DNAH9: variants seen among roughly 807,000 people sequenced by gnomAD.
DNAH9 encodes DNAH9 variant protein.
DNAH9 carries 345 observed loss-of-function variants against 471.6 expected under a neutral mutation model. The observed-to-expected ratio is 0.73, with a 90% CI of 0.67 to 0.80. DNAH9 has a LOEUF of 0.80. Among genes scored for constraint, DNAH9 ranks in the 30% least tolerant of loss-of-function variants. The pLI is 0.00. For missense variants in DNAH9, 5,407 were observed against 5,609.2 expected (o/e 0.96, Z 1.15); for synonymous variants, 2,093 against 2,123.6 (o/e 0.99, Z 0.40).
In DNAH9 at chr17:11,694,749, T is replaced by TTCC. The variant is rs2074419253; in HGVS notation, c.4872+303_4872+304insCCT. On this transcript the variant is annotated intron_variant, in intron 22 of 68. Coordinates refer to ENST00000262442, the MANE Select transcript of DNAH9 (RefSeq NM_001372.4). ...CTCTTTCTCTTTCTTTCTTTCTTTC[T>TTCC]TTCCTTCCTTCCTTCCTTCCTTCCT... Among the ~76,000 whole-genome samples the TTCC allele has an allele frequency of 5.5e-4, 2 of 3,650 alleles. 1 individual carries two copies. The highest frequency in any genetic ancestry group is 9.0e-4 in the African/African-American group (2 of 2,210). 2.4% of individuals were successfully genotyped at this position (3,650 alleles called of 152,430 possible). A position where few individuals can be genotyped will look rare whatever the true frequency, so the allele number is the denominator to read the frequency against.
rs776973234 is a variant in DNAH9, at chr17:11,694,451, A to G, written c.4872+4A>G. Reference sequence around the variant, plus strand: ...CAACGGCACAGCTCCACAACAGGTAAGCTGGAGGAGCATCTGCAGAAAGGT... The same window carrying G: ...CAACGGCACAGCTCCACAACAGGTAGGCTGGAGGAGCATCTGCAGAAAGGT... On this transcript the variant is annotated splice_donor_region_variant and intron_variant, in intron 22 of 68. Transcript: ENST00000262442. 6.2e-7 allele frequency: 1 copy of G among 1,613,138 alleles called. No homozygotes were observed. The highest frequency in any genetic ancestry group is 1.7e-5 in the Admixed American group (1 of 59,872).
rs777596250 is a variant in DNAH9, at chr17:11,727,936, G to A, written c.5814+14G>A. On this transcript the variant is annotated intron_variant, in intron 28 of 68. Transcript: ENST00000262442. ...GTGGCAGTGCAGGTAAGGGCCAGAA[G>A]TTGGTGGGAGCCTTGTGGTCTTCAT... 1 of 1,554,026 alleles carries A rather than the reference G, an allele frequency of 6.4e-7. No individual in the cohort carries two copies. Among genetic ancestry groups the A allele is most frequent in the Non-Finnish European group, 8.9e-7 (1 of 1,125,334 alleles).
chr17:11,855,585 A>G (rs1056962309), intron 50 of DNAH9, among the ~76,000 whole-genome samples: 2 of 152,220 alleles, frequency 1.3e-5, no homozygotes, highest in Non-Finnish European at 2.9e-5. Context: ...ATCTATAATC[A>G]GAGAAATAAA....
At chr17:11,899,457 T>G (rs1597803218) in intron 59 of DNAH9, among the ~76,000 whole-genome samples, 1 of 152,222 alleles carries the variant, frequency 6.6e-6, no homozygotes, top group Non-Finnish European at 1.5e-5. Context: ...TTTAGCTCGG[T>G]TGTATTTTGC....
At position 11,969,304 on chromosome 17, in the gene DNAH9, G is replaced by T; in HGVS notation, c.13238G>T (p.Gly4413Val). The T allele has an allele frequency of 6.2e-7, 1 of 1,613,714 alleles. No individual in the cohort carries two copies. The highest frequency in any genetic ancestry group is 8.5e-7 in the Non-Finnish European group (1 of 1,179,868). The part of the protein sequence containing the change: ...MEGACWDTQA[G>V]IITEAKLKDL... ...CTTCTCATGTTTTATCCTCAGGCTG[G>T]GATCATTACAGAGGCAAAGCTGAAG... The change falls in exon 69 of 69, where the codon GGG (glycine) becomes GTG (valine). Residue 4413 changes from glycine (G) to valine (V), a missense_variant. By Grantham distance (109) the Gly-to-Val change is moderately radical. Transcript: ENST00000262442.
At chr17:11,838,718 G>A (rs1177610775) in intron 49 of DNAH9, among the ~76,000 whole-genome samples, 2 of 152,080 alleles carry the variant, frequency 1.3e-5, no homozygotes, top group African/African-American at 2.4e-5. Context: ...GCTGTAGACC[G>A]GTTCACAATC....
intron 14 of DNAH9, among the ~76,000 whole-genome samples, chr17:11,662,264 A>G (rs1261941989): frequency 6.6e-6 from 1 of 152,096 alleles, no homozygotes; most frequent in Non-Finnish European, 1.5e-5. Flanking sequence ...TTTTCAGCAC[A>G]GTGATAATAT....
chr17:11,769,946 A>G (rs1968133592), intron 38 of DNAH9, among the ~76,000 whole-genome samples: 1 of 152,206 alleles, frequency 6.6e-6, no homozygotes, highest in Admixed American at 6.5e-5. Flanking sequence ...GAAACAACAC[A>G]TTAACTAAAA....
chr17:11,698,155 T>A (rs9913903), intron 22 of DNAH9, among the ~76,000 whole-genome samples: 100,004 of 123,612 alleles, frequency 0.81, 39,845 homozygotes, highest in East Asian at 0.89. Context: ...TATTATATTA[T>A]TAATATATTA....
chr17:11,967,939 T>A lies in DNAH9; in HGVS notation c.13234-1361T>A, dbSNP rs537868441. Among the ~76,000 whole-genome samples the A allele has an allele frequency of 2.6e-5, 4 of 152,270 alleles. No homozygotes were observed. The South Asian group carries it at 8.3e-4, about 32-fold the overall frequency. The stretch of plus-strand genomic sequence containing the variant: ...CATCAAGAAGATACAATTGTAAATA[T>A]GTATGCACCTAACAAAAGAGCCCCC... On this transcript the variant is annotated intron_variant, in intron 68 of 68. Coordinates refer to ENST00000262442, the MANE Select transcript of DNAH9 (RefSeq NM_001372.4).
intron 35 of DNAH9, among the ~76,000 whole-genome samples, chr17:11,762,770 G>GTTTTGTTTTTTTTTTTTTTTTTTTTTTT (rs1967747335): frequency 1.1e-5 from 1 of 90,794 alleles, no homozygotes; most frequent in Non-Finnish European, 2.2e-5. Context: ...TTTTTTTTTT[G>GTTTTGTTTTTTTTTTTTTTTTTTTTTTT]TTTTTTTTTT....
rs1027447366 is a variant in DNAH9 at position 11,767,254 on chromosome 17, G to A, written c.7171-1199G>A. ...CATAGAAACCTAAAATCTGGTTTTCGTAGAAAGTTGAAGGTCTTGAAGCGT... is the reference window on the plus strand; with the variant it reads ...CATAGAAACCTAAAATCTGGTTTTCATAGAAAGTTGAAGGTCTTGAAGCGT... On this transcript the variant is annotated intron_variant, in intron 36 of 68. Transcript: ENST00000262442. 5.9e-5 allele frequency among the ~76,000 whole-genome samples: 9 copies of A among 152,130 alleles called. No homozygotes were observed. The South Asian group carries it at 6.2e-4, about 11-fold the overall frequency.
At chr17:11,787,829 C>T (rs1330418083) in intron 41 of DNAH9, among the ~76,000 whole-genome samples, 1 of 152,160 alleles carries the variant, frequency 6.6e-6, no homozygotes, top group African/African-American at 2.4e-5. Flanking sequence ...GGGGTTTCCG[C>T]TTTTGCATCT....
Position 11,652,944 on chromosome 17 carries a change from T to C in DNAH9, c.2537T>C (p.Met846Thr). 6.2e-7 allele frequency: 1 copy of C among 1,614,092 alleles called. No homozygotes were observed. Among genetic ancestry groups the C allele is most frequent in the Admixed American group, 1.7e-5 (1 of 60,026 alleles). ...LLSLDDRHDR[M>T]EKYYNLIKES... Reference sequence around the variant, plus strand: ...TCTCTGGATGATCGGCATGATCGAATGGAAAAATATTACAATCTCATCAAG... The same window carrying C: ...TCTCTGGATGATCGGCATGATCGAACGGAAAAATATTACAATCTCATCAAG... The change falls in exon 14 of 69, where the codon ATG becomes ACG. Residue 846 changes from methionine (M) to threonine (T), a missense_variant. Around this residue, in one of 3 missense-constraint regions of DNAH9, gnomAD observed 4,636 missense variants for 4,900.3 expected, o/e 0.95. Coordinates refer to ENST00000262442, the MANE Select transcript of DNAH9 (RefSeq NM_001372.4).
chr17:11,683,575 T>C (rs186095629), intron 19 of DNAH9, among the ~76,000 whole-genome samples: 3 of 152,296 alleles, frequency 2.0e-5, no homozygotes, highest in Admixed American at 6.5e-5. Flanking sequence ...GGAAACAACA[T>C]TGGTGTGCTT....
At chr17:11,787,769 A>G (rs184715463) in intron 41 of DNAH9, among the ~76,000 whole-genome samples, 1 of 152,158 alleles carries the variant, frequency 6.6e-6, no homozygotes, top group Admixed American at 6.5e-5. Flanking sequence ...TTTTTCCCAT[A>G]CTGTTCTTGT....
chr17:11,793,455 C>T, intron 41 of DNAH9, 48 bp from the exon 42 acceptor site: 1 of 1,567,894 alleles, frequency 6.4e-7, no homozygotes, highest in East Asian at 2.3e-5. Flanking sequence ...GCTATTGTAC[C>T]TCTGGATGGT....
chr17:11,954,248 G>C (rs898516961), intron 67 of DNAH9, among the ~76,000 whole-genome samples: 7 of 151,194 alleles, frequency 4.6e-5, no homozygotes, highest in East Asian at 3.9e-4. Flanking sequence ...GGAAGGGGGG[G>C]GCCAAAAAAA....
At chr17:11,946,090 C>T (rs1012292813) in intron 67 of DNAH9, among the ~76,000 whole-genome samples, 3 of 148,160 alleles carry the variant, frequency 2.0e-5, no homozygotes, top group Non-Finnish European at 3.0e-5. Context: ...ATCCCAGCTA[C>T]TTGGGAGGCT....
Sources: gnomAD v4.1 joint callset for allele counts (sites outside exome capture counted in the v4.1 genomes callset) on GRCh38, gnomAD v4.1.1 for gene constraint, gnomAD v4.1.1 regional missense constraint, MANE v1.5 for transcripts, NCBI Gene and HGNC (gene_info 2026-07-23, HGNC 2026-07-21) for gene names.